The following KIAA1217 variants were observed in gnomAD, a reference collection of about 807,000 sequenced individuals.
KIAA1217 encodes sickle tail protein homolog.
Under a neutral mutation model 163.9 loss-of-function variants are expected in KIAA1217, and 88 were observed. The ratio of observed to expected loss-of-function variants is 0.54; its 90% CI spans 0.45 to 0.64. KIAA1217 has a LOEUF of 0.64. KIAA1217 is among the 30% of genes least tolerant of loss of function. The pLI is 0.00. For missense variants in KIAA1217, 2,372 were observed against 2,475.0 expected, an observed-to-expected ratio of 0.96 and a Z score of 0.88; for synonymous variants, 903 against 923.1, an observed-to-expected ratio of 0.98 and a Z score of 0.39.
chr10:24,132,294 T>A (rs3893887), intron 2 of KIAA1217, among the ~76,000 whole-genome samples: 1 of 152,032 alleles, frequency 6.6e-6, no homozygotes, highest in African/African-American at 2.4e-5. Context: ...AGGATTTGAT[T>A]AACACAGAGC....
intron 10 of KIAA1217, among the ~76,000 whole-genome samples, chr10:24,514,709 G>T (rs1237095563): frequency 6.6e-6 from 1 of 152,088 alleles, no homozygotes; most frequent in Non-Finnish European, 1.5e-5. Context: ...GCATATCCTG[G>T]CTGGGCACGG....
chr10:24,275,090 A>G lies in KIAA1217; in HGVS notation c.354+55181A>G, dbSNP rs914933945. Among the ~76,000 whole-genome samples the G allele has an allele frequency of 3.3e-5, 5 of 152,176 alleles. No homozygotes were observed. In the East Asian group the frequency reaches 9.6e-4, roughly 29 times the overall value. ...ATATCTGGGACTACAGGCACACGCC[A>G]CCATGCCCAGCTAATTTTTTAATTT... On this transcript the variant is annotated intron_variant, in intron 2 of 20. Coordinates refer to ENST00000376454, the MANE Select transcript of KIAA1217 (RefSeq NM_019590.5).
intron 2 of KIAA1217, among the ~76,000 whole-genome samples, chr10:24,285,544 GT>G (rs1443341507): frequency 1.3e-5 from 2 of 151,980 alleles, no homozygotes; most frequent in African/African-American, 2.4e-5. Flanking sequence ...TTATTTGTGG[GT>G]TTATTTCTTA....
chr10:24,214,411 C>T (rs748875197), intron 1 of KIAA1217, among the ~76,000 whole-genome samples: 12 of 152,046 alleles, frequency 7.9e-5, no homozygotes, highest in Non-Finnish European at 1.6e-4. Flanking sequence ...TCCCCCACGG[C>T]GTTGGAGGGT....
At chr10:23,985,167 G>A (rs763102795) in intron 1 of KIAA1217, among the ~76,000 whole-genome samples, 41 of 152,122 alleles carry the variant, frequency 2.7e-4, no homozygotes, top group Non-Finnish European at 5.1e-4. Context: ...CTAATACCAA[G>A]GTCTTGATTT....
chr10:24,069,240 T>C (rs1367332543), intron 2 of KIAA1217, among the ~76,000 whole-genome samples: 1 of 152,192 alleles, frequency 6.6e-6, no homozygotes, highest in African/African-American at 2.4e-5. Flanking sequence ...GTCCTTTAGG[T>C]AGCACCGTAG....
chr10:23,809,577 A>T lies in KIAA1217; in HGVS notation c.-321+114343A>T, dbSNP rs376638320. Among the ~76,000 whole-genome samples the T allele has an allele frequency of 2.0e-3, 311 of 152,148 alleles. 1 individual carries two copies. The highest frequency in any genetic ancestry group is 7.1e-3 in the African/African-American group (293 of 41,556). ...AGTAATAAATATAAACAGGTAAGTA[A>T]TCACTGTAACTAAATGCTTTAAACA... On this transcript the variant is annotated intron_variant, in intron 1 of 18. Transcript: ENST00000376462.
chr10:24,357,929 G>T (rs1283930874), intron 2 of KIAA1217, among the ~76,000 whole-genome samples: 2 of 152,172 alleles, frequency 1.3e-5, no homozygotes, highest in East Asian at 3.9e-4. Flanking sequence ...TGTGAAGTGT[G>T]CAGGCTTGCT....
chr10:24,181,337 G>T (rs993259820), intron 2 of KIAA1217, among the ~76,000 whole-genome samples: 1 of 152,134 alleles, frequency 6.6e-6, no homozygotes, highest in Admixed American at 6.5e-5. Context: ...GAAGTGAGAG[G>T]GGGAAGGATG....
At chr10:23,955,316 G>T (rs1844513744) in intron 1 of KIAA1217, among the ~76,000 whole-genome samples, 1 of 152,150 alleles carries the variant, frequency 6.6e-6, no homozygotes, top group Non-Finnish European at 1.5e-5. Flanking sequence ...GCCTATTTTA[G>T]GGCAAATACA....
chr10:23,982,577 C>CTCTT (rs1845817850), intron 1 of KIAA1217, among the ~76,000 whole-genome samples: 1 of 139,698 alleles, frequency 7.2e-6, no homozygotes, highest in South Asian at 2.3e-4. Context: ...CTCTCTCTCT[C>CTCTT]TCTCGGCTGG....
Position 24,219,631 on chromosome 10 carries a change from G to A in KIAA1217, c.76G>A (p.Gly26Ser). ...CGAATTTTTTTGTCTTTCAGAACAA[G>A]GCAAAGGCAATCTGCATGTAACATC... ...SADRRQMQEQ[G>S]KGNLHVTSPE... The change falls in exon 2 of 21, where the codon GGC becomes AGC. Residue 26 changes from glycine to serine, a missense_variant. Gly to Ser is a moderately conservative substitution (Grantham distance 56, BLOSUM62 0). Coordinates refer to ENST00000376454, the MANE Select transcript of KIAA1217 (RefSeq NM_019590.5). The A allele has an allele frequency of 6.3e-7, 1 of 1,593,950 alleles. No homozygotes were observed. The highest frequency in any genetic ancestry group is 8.6e-7 in the Non-Finnish European group (1 of 1,168,860).
At chr10:23,978,704 T>A (rs1011546622) in intron 1 of KIAA1217, among the ~76,000 whole-genome samples, 6 of 152,162 alleles carry the variant, frequency 3.9e-5, no homozygotes, top group Non-Finnish European at 8.8e-5. Context: ...TGAGCTACAC[T>A]GCAAATACAT....
At chr10:24,299,855 C>T (rs991151755) in intron 2 of KIAA1217, among the ~76,000 whole-genome samples, 3 of 152,144 alleles carry the variant, frequency 2.0e-5, no homozygotes, top group African/African-American at 7.2e-5. Flanking sequence ...GTGGTGCCTC[C>T]CTCCCATTTA....
At chr10:24,220,006 T>G in intron 2 of KIAA1217, 97 bp downstream of exon 2, 1 of 1,278,400 alleles carries the variant, frequency 7.8e-7, no homozygotes, top group Middle Eastern at 2.3e-4. Flanking sequence ...AAGGATAGCT[T>G]AGTGGACTGT....
At chr10:24,443,699 A>G (rs748302786) in intron 5 of KIAA1217, among the ~76,000 whole-genome samples, 3 of 152,186 alleles carry the variant, frequency 2.0e-5, no homozygotes, top group Non-Finnish European at 4.4e-5. Context: ...ACTATTTGGG[A>G]AATTTGAACA....
Position 23,707,433 on chromosome 10 carries a change from A to T in KIAA1217, c.-321+12199A>T, listed in dbSNP as rs117801110. Reference sequence around the variant, plus strand: ...ATTATCCTCAGAGCAGTGTGTTTTCACTTTTAAAATGTCTGTTTCTGAAGA... The same window carrying T: ...ATTATCCTCAGAGCAGTGTGTTTTCTCTTTTAAAATGTCTGTTTCTGAAGA... On this transcript the variant is annotated intron_variant, in intron 1 of 18. Coordinates refer to the KIAA1217 transcript ENST00000376462. Among the ~76,000 whole-genome samples the T allele has an allele frequency of 1.1e-3, 172 of 152,294 alleles. 2 individuals are homozygous for T. The East Asian group carries it at 0.03, about 26-fold the overall frequency.
intron 1 of KIAA1217, among the ~76,000 whole-genome samples, chr10:23,712,511 C>T (rs147469336): frequency 3.5e-4 from 53 of 152,082 alleles, no homozygotes; most frequent in African/African-American, 1.3e-3. Flanking sequence ...ATTGAATATT[C>T]GTGGATACGT....
intron 2 of KIAA1217, among the ~76,000 whole-genome samples, chr10:24,246,846 T>G (rs1032568972): frequency 6.6e-6 from 1 of 152,060 alleles, no homozygotes; most frequent in African/African-American, 2.4e-5. Context: ...AAACCCGATC[T>G]CTACTAAAAA....
Sources: gnomAD v4.1 joint callset for allele counts (sites outside exome capture counted in the v4.1 genomes callset) on GRCh38, gnomAD v4.1.1 for gene constraint, MANE v1.5 for transcripts, NCBI Gene and HGNC (gene_info 2026-07-23, HGNC 2026-07-21) for gene names.